The following ZNF804B variants were observed in gnomAD, a reference collection of about 807,000 sequenced individuals.
ZNF804B encodes zinc finger 804B.
A neutral mutation model predicts 101.4 loss-of-function variants in ZNF804B; 80 were observed. That is an observed-to-expected ratio of 0.79 (90% CI 0.66 to 0.95). The LOEUF (loss-of-function observed/expected upper bound fraction) is 0.95. Ranked by LOEUF, ZNF804B falls within the 40% of genes least tolerant of loss-of-function variation. The pLI, the probability that ZNF804B is intolerant of heterozygous loss-of-function variation, is 0.00. For synonymous variants in ZNF804B, 622 were observed against 558.8 expected (o/e 1.11, Z -1.59); for missense variants, 1,673 against 1,561.9 (o/e 1.07, Z -1.20).
At chr7:88,977,223 C>T (rs1283452606) in intron 1 of ZNF804B, among the ~76,000 whole-genome samples, 1 of 150,608 alleles carries the variant, frequency 6.6e-6, no homozygotes, top group African/African-American at 2.4e-5. Flanking sequence ...CTGTCTCTGC[C>T]TCGTTTTGGT....
chr7:89,151,076 G>T (rs796117035), intron 1 of ZNF804B, among the ~76,000 whole-genome samples: 4 of 152,150 alleles, frequency 2.6e-5, no homozygotes, highest in African/African-American at 7.2e-5. Context: ...CTTTAGAAAG[G>T]AAAGAAAGTT....
At chr7:89,174,446 G>A (rs1791287308) in intron 1 of ZNF804B, among the ~76,000 whole-genome samples, 1 of 151,836 alleles carries the variant, frequency 6.6e-6, no homozygotes, top group Non-Finnish European at 1.5e-5. Context: ...CTTTTTTATG[G>A]CTGAATAGTA....
chr7:89,051,347 A>T (rs1337919293), intron 1 of ZNF804B, among the ~76,000 whole-genome samples: 3 of 152,196 alleles, frequency 2.0e-5, no homozygotes, highest in Non-Finnish European at 2.9e-5. Context: ...TTCAATGGCC[A>T]AAAGAAATTG....
At chr7:89,278,536 A>G (rs1790026965) in intron 2 of ZNF804B, among the ~76,000 whole-genome samples, 1 of 151,966 alleles carries the variant, frequency 6.6e-6, no homozygotes, top group African/African-American at 2.4e-5. Context: ...TATAAGGTGT[A>G]AGGAAGGGAT....
intron 1 of ZNF804B, among the ~76,000 whole-genome samples, chr7:89,152,668 G>A (rs1012392743): frequency 1.3e-5 from 2 of 152,072 alleles, no homozygotes; most frequent in Non-Finnish European, 2.9e-5. Context: ...AGCAAAGAAA[G>A]CTGTAATTCT....
chr7:88,898,016 G>C (rs925109740), intron 1 of ZNF804B, among the ~76,000 whole-genome samples: 18 of 137,350 alleles, frequency 1.3e-4, no homozygotes, highest in Admixed American at 6.6e-4. Context: ...GTCCAAAATT[G>C]AATTTATTAT....
chr7:89,196,550 C>G (rs1204480621), intron 1 of ZNF804B, among the ~76,000 whole-genome samples: 2 of 149,632 alleles, frequency 1.3e-5, no homozygotes, highest in Non-Finnish European at 3.0e-5. Context: ...GCAATAACAT[C>G]TGACATAGGC....
chr7:89,040,119 T>C (rs975287183), intron 1 of ZNF804B, among the ~76,000 whole-genome samples: 2 of 152,034 alleles, frequency 1.3e-5, no homozygotes, highest in Admixed American at 6.5e-5. Context: ...AGTGCATGCA[T>C]TGATGCATTT....
intron 1 of ZNF804B, among the ~76,000 whole-genome samples, chr7:89,037,811 T>C (rs1216900793): frequency 2.0e-5 from 3 of 152,116 alleles, no homozygotes; most frequent in Non-Finnish European, 4.4e-5. Flanking sequence ...CCACTTCCCC[T>C]ATGCCCCAGC....
At chr7:88,771,790 G>A (rs1790069754) in intron 1 of ZNF804B, among the ~76,000 whole-genome samples, 1 of 152,068 alleles carries the variant, frequency 6.6e-6, no homozygotes. Context: ...TCATCATGTA[G>A]ATTTAGAACT....
intron 2 of ZNF804B, among the ~76,000 whole-genome samples, chr7:89,285,546 A>AAAAAAAAG (rs1554389597): frequency 5.4e-5 from 5 of 93,446 alleles, no homozygotes; most frequent in African/African-American, 2.0e-4. Context: ...AAAAAAAAAA[A>AAAAAAAAG]AAGAAGAAGA....
At chr7:89,219,582 A>T (rs1788948916) in intron 2 of ZNF804B, among the ~76,000 whole-genome samples, 2 of 151,626 alleles carry the variant, frequency 1.3e-5, no homozygotes, top group Non-Finnish European at 2.9e-5. Context: ...GTTAGATGTT[A>T]TCCTTGCTGA....
intron 2 of ZNF804B, among the ~76,000 whole-genome samples, chr7:89,275,877 A>C (rs1202602538): frequency 2.0e-5 from 3 of 151,720 alleles, no homozygotes; most frequent in Non-Finnish European, 4.4e-5. Flanking sequence ...AGGCATTCTA[A>C]AGTGCAAAAC....
chr7:89,277,962 A>G (rs1386072555), intron 2 of ZNF804B, among the ~76,000 whole-genome samples: 1 of 152,118 alleles, frequency 6.6e-6, no homozygotes, highest in Non-Finnish European at 1.5e-5. Context: ...TTACAGTCCC[A>G]CCAACAGTGT....
At chr7:89,263,089 GT>G (rs1789735194) in intron 2 of ZNF804B, among the ~76,000 whole-genome samples, 1 of 152,190 alleles carries the variant, frequency 6.6e-6, no homozygotes, top group East Asian at 1.9e-4. Flanking sequence ...CTTGGCAGCT[GT>G]TTTTCTGAGT....
intron 1 of ZNF804B, among the ~76,000 whole-genome samples, chr7:88,812,719 T>TA (rs1202032770): frequency 6.6e-6 from 1 of 152,090 alleles, no homozygotes; most frequent in Non-Finnish European, 1.5e-5. Flanking sequence ...TATTCAGCCT[T>TA]AAAAAGGAAG....
chr7:88,870,503 G>A (rs1288372390), intron 1 of ZNF804B, among the ~76,000 whole-genome samples: 1 of 151,638 alleles, frequency 6.6e-6, no homozygotes, highest in African/African-American at 2.4e-5. Context: ...TGCATCAGCT[G>A]ACATTGAATT....
chr7:89,060,712 T>C (rs1362594112), intron 1 of ZNF804B, among the ~76,000 whole-genome samples: 1 of 152,170 alleles, frequency 6.6e-6, no homozygotes, highest in Non-Finnish European at 1.5e-5. Context: ...AGATATATAT[T>C]GTACGAAGAT....
At chr7:88,861,534 A>C (rs1791644273) in intron 1 of ZNF804B, among the ~76,000 whole-genome samples, 1 of 152,190 alleles carries the variant, frequency 6.6e-6, no homozygotes, top group South Asian at 2.1e-4. Context: ...CCTCAGCAGA[A>C]ATGGGAAACT....
Sources: allele counts gnomAD v4.1 joint callset (sites outside exome capture counted in the v4.1 genomes callset), GRCh38; gene constraint gnomAD v4.1.1; transcripts MANE v1.5; gene names NCBI Gene and HGNC (gene_info 2026-07-23, HGNC 2026-07-21).